Variants in CACNB3 observed in about 807,000 individuals in gnomAD.
CACNB3 encodes the protein voltage-dependent L-type calcium channel subunit beta-3.
CACNB3 carries 36 observed loss-of-function variants against 63.7 expected under a neutral mutation model. That is an observed-to-expected ratio of 0.57 (90% confidence interval 0.43 to 0.75). The LOEUF is 0.75. Ranked by LOEUF, CACNB3 falls within the 30% of genes least tolerant of loss-of-function variation. CACNB3 has a pLI of 0.00. For synonymous variants in CACNB3, 241 were observed against 250.6 expected, an observed-to-expected ratio of 0.96 and a Z score of 0.36; for missense variants, 493 against 648.6, an observed-to-expected ratio of 0.76 and a Z score of 2.61.
chr12:48,828,931 C>T lies in CACNB3; in HGVS notation c.*1032C>T, dbSNP rs1048109938. On this transcript the variant is annotated 3_prime_UTR_variant, in exon 13 of 13. Coordinates refer to ENST00000301050, the MANE Select transcript of CACNB3 (RefSeq NM_000725.4). The stretch of plus-strand genomic sequence containing the variant: ...CCTCACTGTCATCACTAATAAACAT[C>T]ATGCACAGTCCCTCCGGCTTCTGTT... 13 of 355,306 alleles carry T rather than the reference C, an allele frequency of 3.7e-5. No individual in the cohort carries two copies. The highest frequency in any genetic ancestry group is 2.0e-3 in the Middle Eastern group (2 of 990). The allele number at this position is 355,306 out of a possible 1,614,324, so 22.0% of individuals were successfully genotyped here. A position where few individuals can be genotyped will look rare whatever the true frequency, so the allele number is the denominator to read the frequency against.
rs146507028 is a variant in CACNB3 at position 48,827,817 on chromosome 12, G to A, written c.1373G>A (p.Arg458Gln). 27 of 1,614,130 alleles carry A rather than the reference G, an allele frequency of 1.7e-5. No individual in the cohort carries two copies. Among genetic ancestry groups the A allele is most frequent in the South Asian group, 2.2e-5 (2 of 91,080 alleles). The change falls in exon 13 of 13, where the codon CGG becomes CAG. Residue 458 changes from arginine (R) to glutamine (Q), a missense_variant. Physicochemically the swap from Arg to Gln is conservative, Grantham distance 43 (BLOSUM62 1). Transcript: ENST00000301050. Reference sequence around the variant, plus strand: ...GCTAACGGGCATGACCCCCAAGACCGGCTTCTAGCCCAGGACTCAGAGCAC... The same window carrying A: ...GCTAACGGGCATGACCCCCAAGACCAGCTTCTAGCCCAGGACTCAGAGCAC... The part of the protein sequence containing the change: ...PSANGHDPQD[R>Q]LLAQDSEHNH...
chr12:48,815,200 G>A (rs1451341755), upstream of CACNB3: 2 of 176,058 alleles, frequency 1.1e-5, no homozygotes, highest in Non-Finnish European at 2.4e-5. Flanking sequence ...GGAGGGAGCA[G>A]AAGCTTCCGC....
upstream of CACNB3, chr12:48,815,744 GT>G: frequency 1.5e-6 from 2 of 1,341,696 alleles, no homozygotes; most frequent in Non-Finnish European, 2.1e-6. Flanking sequence ...CGTGGGGGGG[GT>G]GTGGGGTCGT....
At chr12:48,818,432 T>A, upstream of CACNB3, 1 of 986,806 alleles carries the variant, frequency 1.0e-6, no homozygotes, top group Non-Finnish European at 1.2e-6. This position sits in a 1 kb window ranked among gnomAD's most constrained non-coding sequence, Gnocchi z 4.3. Flanking sequence ...AGCGTCTCTG[T>A]CTCCGCATCT....
In CACNB3 at chr12:48,818,586, G is replaced by A. The variant is rs866886922; in HGVS notation, c.-344G>A. 168 of 1,082,580 alleles carry A rather than the reference G, an allele frequency of 1.6e-4. 1 individual carries two copies. The Middle Eastern group carries it at 2.1e-3, about 13-fold the overall frequency. The allele number at this position is 1,082,580 out of a possible 1,614,324, so 67.1% of individuals were successfully genotyped here. ...TCGTTCCCCTCTCCCGGCCTGGCCC[G>A]GGCTCCCCGGTGGCCGCCGCCCCCT... On this transcript the variant is annotated 5_prime_UTR_variant, in exon 1 of 13. Coordinates refer to ENST00000301050, the MANE Select transcript of CACNB3 (RefSeq NM_000725.4). The surrounding 1 kb of genome is among the most constrained non-coding windows in gnomAD (Gnocchi z 4.3).
In CACNB3 at chr12:48,826,599, G is replaced by A. The variant is rs1938149731; in HGVS notation, c.894+81G>A. ...CATGATTCTACTTGGTCCCTGCCTG[G>A]GGCACCTGAGTTCCCTTTTCCTGCT... On this transcript the variant is annotated intron_variant, in intron 10 of 12. Transcript: ENST00000301050. This position sits in a 1 kb window ranked among gnomAD's most constrained non-coding sequence, Gnocchi z 4.8. 2 of 1,563,972 alleles carry A rather than the reference G, an allele frequency of 1.3e-6. No individual in the cohort carries two copies. Among genetic ancestry groups the A allele is most frequent in the South Asian group, 1.1e-5 (1 of 89,364 alleles).
chr12:48,825,650 C>A lies in CACNB3; in HGVS notation c.633-10C>A. On this transcript the variant is annotated splice_polypyrimidine_tract_variant and intron_variant, in intron 8 of 12. Transcript: ENST00000301050. This position sits in a 1 kb window ranked among gnomAD's most constrained non-coding sequence, Gnocchi z 4.5. Reference sequence around the variant, plus strand: ...TAGAAGCAAGCTGTGATTCTCCACTCCCACCCCAGGATCTCCATCACCCGA... The same window carrying A: ...TAGAAGCAAGCTGTGATTCTCCACTACCACCCCAGGATCTCCATCACCCGA... 1 of 1,608,922 alleles carries A rather than the reference C, an allele frequency of 6.2e-7. No homozygotes were observed. Among genetic ancestry groups the A allele is most frequent in the Non-Finnish European group, 8.5e-7 (1 of 1,175,282 alleles).
chr12:48,827,150 C>A, intron 12 of CACNB3, 27 bp downstream of exon 12: 1 of 1,609,708 alleles, frequency 6.2e-7, no homozygotes, highest in Non-Finnish European at 8.5e-7. Flanking sequence ...GGCAGAGATG[C>A]TCAAGCTAAG....
At position 48,827,809 on chromosome 12, in the gene CACNB3, C is replaced by G. The variant is rs1938233915; in HGVS notation, c.1365C>G (p.Pro455=). Residue 455 remains proline (P), a synonymous_variant, in exon 13 of 13, where the codon CCC becomes CCG. Transcript: ENST00000301050. ...TGCCTAGTGCTAACGGGCATGACCCCCAAGACCGGCTTCTAGCCCAGGACT... is the reference window on the plus strand; with the variant it reads ...TGCCTAGTGCTAACGGGCATGACCCGCAAGACCGGCTTCTAGCCCAGGACT... ...SGLPSANGHD[P]QDRLLAQDSE... is the part of the protein sequence containing the mutation. 1 of 1,614,070 alleles carries G rather than the reference C, an allele frequency of 6.2e-7. No individual in the cohort carries two copies. The highest frequency in any genetic ancestry group is 8.5e-7 in the Non-Finnish European group (1 of 1,180,030).
In CACNB3 at chr12:48,825,489, G is replaced by A. The variant is rs776012207; in HGVS notation, c.629G>A (p.Gly210Asp). The A allele has an allele frequency of 6.2e-7, 1 of 1,614,204 alleles. No homozygotes were observed. Among genetic ancestry groups the A allele is most frequent in the Non-Finnish European group, 8.5e-7 (1 of 1,180,036 alleles). ...GACTTCCTCAAACACAGATTTGATG[G>A]CAGGTAAGCTGCCCTGGCCTGAGGT... Reference protein sequence around the residue: ...LFDFLKHRFDGRISITRVTAD... With the variant: ...LFDFLKHRFDDRISITRVTAD... The change falls in exon 8 of 13, where the codon GGC becomes GAC. Residue 210 changes from glycine (G) to aspartate (D), a missense_variant. Coordinates refer to ENST00000301050, the MANE Select transcript of CACNB3 (RefSeq NM_000725.4). This position sits in a 1 kb window ranked among gnomAD's most constrained non-coding sequence, Gnocchi z 4.5.
In CACNB3 at chr12:48,828,479, C is replaced by T. The variant is rs944481740; in HGVS notation, c.*580C>T. The T allele has an allele frequency of 2.0e-5, 7 of 350,934 alleles. No individual in the cohort carries two copies. The highest frequency in any genetic ancestry group is 1.5e-4 in the African/African-American group (7 of 46,668). The allele number at this position is 350,934 out of a possible 1,614,324, so 21.7% of individuals were successfully genotyped here. On this transcript the variant is annotated 3_prime_UTR_variant, in exon 13 of 13. Coordinates refer to ENST00000301050, the MANE Select transcript of CACNB3 (RefSeq NM_000725.4). ...CCACATCCAAGACTGGAGCAGCAGG[C>T]TGGCCACGCTCGGGCCAGAGAGAGC...
upstream of CACNB3, among the ~76,000 whole-genome samples, chr12:48,818,163 C>A (rs1379635061): frequency 6.6e-6 from 1 of 152,190 alleles, no homozygotes; most frequent in African/African-American, 2.4e-5. This position sits in a 1 kb window ranked among gnomAD's most constrained non-coding sequence, Gnocchi z 4.3. Context: ...GCCTCCGGGA[C>A]GCACGGGCCC....
At chr12:48,819,541 C>T in intron 1 of CACNB3, 1 of 356,384 alleles carries the variant, frequency 2.8e-6, no homozygotes, top group Non-Finnish European at 5.6e-6. Context: ...GCCTCATCTC[C>T]TCACCCTTTC....
chr12:48,815,750 GGTC>G, upstream of CACNB3: 1 of 1,337,914 alleles, frequency 7.5e-7, no homozygotes. Context: ...GGGGGTGTGG[GGTC>G]GTGGGAAGGG....
intron 1 of CACNB3, among the ~76,000 whole-genome samples, chr12:48,822,779 T>C (rs902457803): frequency 6.6e-6 from 1 of 152,170 alleles, no homozygotes; most frequent in African/African-American, 2.4e-5. Context: ...GGCTCACCAT[T>C]TGGGAGCCTT....
rs575061947 is a variant in CACNB3 at position 48,828,280 on chromosome 12, G to C, written c.*381G>C. The C allele has an allele frequency of 3.4e-5, 11 of 327,884 alleles. No individual in the cohort carries two copies. Among genetic ancestry groups the C allele is most frequent in the Non-Finnish European group, 4.7e-5 (8 of 170,164 alleles). 20.3% of individuals were successfully genotyped at this position (327,884 alleles called of 1,614,324 possible). A position where few individuals can be genotyped will look rare whatever the true frequency, so the allele number is the denominator to read the frequency against. On this transcript the variant is annotated 3_prime_UTR_variant, in exon 13 of 13. Transcript: ENST00000301050. ...CATTAAAGTGACAAAAGGGTGGGGTGTGGGCACCATGGCATGAGGAAGAAA... is the reference window on the plus strand; with the variant it reads ...CATTAAAGTGACAAAAGGGTGGGGTCTGGGCACCATGGCATGAGGAAGAAA...
intron 1 of CACNB3, among the ~76,000 whole-genome samples, chr12:48,819,189 G>C (rs1355649316): frequency 6.6e-6 from 1 of 152,068 alleles, no homozygotes; most frequent in Non-Finnish European, 1.5e-5. Flanking sequence ...GTGCAGAGAG[G>C]GGGCAGTATA....
intron 4 of CACNB3, 61 bp from the exon 5 acceptor site, chr12:48,824,608 G>A (rs1418848946): frequency 6.9e-7 from 1 of 1,452,260 alleles, no homozygotes; most frequent in Non-Finnish European, 9.7e-7. Context: ...ATAATGCATA[G>A]AACATACATA....
Position 48,824,692 on chromosome 12 carries a change from T to G in CACNB3, c.431T>G (p.Leu144Arg). 6.2e-7 allele frequency: 1 copy of G among 1,613,894 alleles called. No individual in the cohort carries two copies. The highest frequency in any genetic ancestry group is 8.5e-7 in the Non-Finnish European group (1 of 1,179,954). ...AGGAGATCTGGGAACCCTTCCAGCC[T>G]GAGTGACATTGGCAACCGACGCTCC... ...KARRSGNPSSLSDIGNRRSPP... is the reference protein window; with the variant it reads ...KARRSGNPSSRSDIGNRRSPP... The change falls in exon 5 of 13, where the codon CTG becomes CGG. Residue 144 changes from leucine (L) to arginine (R), a missense_variant. Leu to Arg is a moderately radical substitution (Grantham distance 102, BLOSUM62 -2). Transcript: ENST00000301050.
Sources: allele counts gnomAD v4.1 joint callset (sites outside exome capture counted in the v4.1 genomes callset), GRCh38; gene constraint gnomAD v4.1.1; non-coding constraint Gnocchi (gnomAD v3.1); transcripts MANE v1.5; gene names NCBI Gene and HGNC (gene_info 2026-07-23, HGNC 2026-07-21).